Variants in TJP1 observed in about 807,000 individuals in gnomAD.
TJP1 encodes the protein tight junction protein ZO-1.
TJP1 carries 43 observed loss-of-function variants against 194.2 expected under a neutral mutation model. That is an observed-to-expected ratio of 0.22 (90% confidence interval 0.17 to 0.29). TJP1 has a LOEUF of 0.29. Ranked by LOEUF, TJP1 falls within the 10% of genes least tolerant of loss-of-function variation. The pLI, the probability that TJP1 is intolerant of heterozygous loss-of-function variation, is 1.00. For missense variants in TJP1, 1,971 were observed against 2,185.7 expected (o/e 0.90, Z 1.96); for synonymous variants, 801 against 779.0 (o/e 1.03, Z -0.47).
chr15:29,820,593 T>C (rs1396099633), intron 1 of TJP1: 2 of 716,538 alleles, frequency 2.8e-6, no homozygotes, highest in Non-Finnish European at 5.2e-6. Flanking sequence ...AAAAAGTGTG[T>C]TGTCTTGCAT....
chr15:29,898,964 G>A (rs770448343), intron 2 of TJP1, among the ~76,000 whole-genome samples: 4 of 152,116 alleles, frequency 2.6e-5, no homozygotes, highest in Admixed American at 6.5e-5. Flanking sequence ...TTTTGATTCC[G>A]TTTCAGCTAA....
chr15:29,843,299 C>T (rs1466295967), intron 2 of TJP1, among the ~76,000 whole-genome samples: 1 of 152,028 alleles, frequency 6.6e-6, no homozygotes, highest in Non-Finnish European at 1.5e-5. Flanking sequence ...AGCGATTTTC[C>T]TGACTCAGCC....
At chr15:29,739,144 T>C (rs182939551) in intron 10 of TJP1, among the ~76,000 whole-genome samples, 1 of 152,246 alleles carries the variant, frequency 6.6e-6, no homozygotes, top group Non-Finnish European at 1.5e-5. Context: ...CAAAAACAAC[T>C]GAGCACAGTA....
chr15:29,801,463 AT>A (rs11334228), intron 1 of TJP1, among the ~76,000 whole-genome samples: 95,242 of 131,500 alleles, frequency 0.72, 34,824 homozygotes, highest in Non-Finnish European at 0.79. Flanking sequence ...ATAAATTATT[AT>A]TTTTTTTTTT....
At chr15:29,745,554 T>G (rs1008661942) in intron 8 of TJP1, among the ~76,000 whole-genome samples, 5 of 152,094 alleles carry the variant, frequency 3.3e-5, no homozygotes, top group Non-Finnish European at 7.4e-5. Flanking sequence ...ATTAAAAACT[T>G]TTACTTGCAC....
intron 1 of TJP1, among the ~76,000 whole-genome samples, chr15:29,807,975 T>C (rs756046407): frequency 6.6e-5 from 10 of 152,084 alleles, no homozygotes; most frequent in Non-Finnish European, 1.3e-4. Flanking sequence ...AAACAAAAAA[T>C]GGGCAAAAGT....
At chr15:29,723,770 T>C (rs892264577) in intron 18 of TJP1, among the ~76,000 whole-genome samples, 5 of 152,198 alleles carry the variant, frequency 3.3e-5, no homozygotes, top group Non-Finnish European at 7.3e-5. Flanking sequence ...CAGTTTCTAA[T>C]AGTTTATGTT....
At chr15:29,861,039 G>T (rs1034146771) in intron 2 of TJP1, among the ~76,000 whole-genome samples, 4 of 152,154 alleles carry the variant, frequency 2.6e-5, no homozygotes, top group Non-Finnish European at 4.4e-5. Flanking sequence ...GTTTTATCAT[G>T]ATGTTCTGGA....
chr15:29,725,239 C>T (rs1361020227), intron 18 of TJP1, among the ~76,000 whole-genome samples: 1 of 152,172 alleles, frequency 6.6e-6, no homozygotes, highest in Non-Finnish European at 1.5e-5. Context: ...TATGCATGGT[C>T]CATCCCCCAG....
intron 2 of TJP1, among the ~76,000 whole-genome samples, chr15:29,777,604 A>G (rs925857560): frequency 2.0e-5 from 3 of 152,212 alleles, no homozygotes; most frequent in Admixed American, 1.3e-4. Flanking sequence ...AAAGTATAAC[A>G]TATTTCAGAA....
At chr15:29,737,108 G>A (rs532501821) in intron 11 of TJP1, among the ~76,000 whole-genome samples, 156 bp downstream of exon 11, 6 of 152,310 alleles carry the variant, frequency 3.9e-5, no homozygotes, top group African/African-American at 7.2e-5. Flanking sequence ...TCCAGCATAA[G>A]GTAGACCTGA....
chr15:29,742,488 C>G (rs1305265010), intron 9 of TJP1, among the ~76,000 whole-genome samples, 154 bp downstream of exon 9: 1 of 152,150 alleles, frequency 6.6e-6, no homozygotes, highest in African/African-American at 2.4e-5. Flanking sequence ...TTGTGCCAAC[C>G]TGCTACCCAT....
chr15:29,788,767 C>T (rs1258911564), intron 2 of TJP1, among the ~76,000 whole-genome samples: 1 of 152,136 alleles, frequency 6.6e-6, no homozygotes, highest in East Asian at 1.9e-4. Flanking sequence ...AGAGTAACGA[C>T]GAGCAACTCA....
At chr15:29,734,906 T>C (rs2043926421) in intron 11 of TJP1, among the ~76,000 whole-genome samples, 1 of 152,160 alleles carries the variant, frequency 6.6e-6, no homozygotes, top group South Asian at 2.1e-4. Flanking sequence ...ATTTAAATAG[T>C]ATTCAGTGTG....
chr15:29,788,639 A>C (rs1476933433), intron 2 of TJP1, among the ~76,000 whole-genome samples: 2 of 152,256 alleles, frequency 1.3e-5, no homozygotes, highest in South Asian at 2.1e-4. Flanking sequence ...TTAAACACTC[A>C]CTGGCTCACC....
intron 8 of TJP1, among the ~76,000 whole-genome samples, chr15:29,743,349 A>G (rs2044552247): frequency 6.6e-6 from 1 of 152,200 alleles, no homozygotes; most frequent in African/African-American, 2.4e-5. Flanking sequence ...AAACAGCTCG[A>G]TGTTAACTAT....
intron 2 of TJP1, among the ~76,000 whole-genome samples, chr15:29,783,990 AG>A (rs1375642024): frequency 6.6e-6 from 1 of 152,200 alleles, no homozygotes; most frequent in Non-Finnish European, 1.5e-5. Flanking sequence ...TTTAAAAAAA[AG>A]AACGCCAGAG....
chr15:29,903,218 G>A (rs557819154), intron 2 of TJP1, among the ~76,000 whole-genome samples: 7 of 152,088 alleles, frequency 4.6e-5, no homozygotes, highest in South Asian at 2.1e-4. Flanking sequence ...ATGTGTCATC[G>A]TTTTTAAGCT....
chr15:29,851,642 T>C (rs1596107015), intron 2 of TJP1, among the ~76,000 whole-genome samples: 1 of 152,284 alleles, frequency 6.6e-6, no homozygotes, highest in East Asian at 1.9e-4. Context: ...TTAGATTAGC[T>C]AAAACAATTT....
Sources: allele counts gnomAD v4.1 joint callset (sites outside exome capture counted in the v4.1 genomes callset), GRCh38; gene constraint gnomAD v4.1.1; transcripts MANE v1.5; gene names NCBI Gene and HGNC (gene_info 2026-07-23, HGNC 2026-07-21).